The following CNTNAP2 variants were observed in gnomAD, a reference collection of about 807,000 sequenced individuals.
CNTNAP2 encodes the protein contactin associated protein 2.
A neutral mutation model predicts 155.2 loss-of-function variants in CNTNAP2; 98 were observed. The ratio of observed to expected loss-of-function variants is 0.63; its 90% CI spans 0.54 to 0.75. The LOEUF is 0.75. Ranked by LOEUF, CNTNAP2 falls within the 30% of genes least tolerant of loss-of-function variation. The pLI is 0.00. For synonymous variants in CNTNAP2, 651 were observed against 631.2 expected, an observed-to-expected ratio of 1.03 and a Z score of -0.47; for missense variants, 1,727 against 1,688.1, an observed-to-expected ratio of 1.02 and a Z score of -0.40.
chr7:146,518,824 C>T (rs1797576676), intron 1 of CNTNAP2, among the ~76,000 whole-genome samples: 1 of 151,792 alleles, frequency 6.6e-6, no homozygotes, highest in Non-Finnish European at 1.5e-5. Context: ...ATGTTAAAGA[C>T]ACACTGCACA....
At chr7:148,139,927 A>G (rs1805027085) in intron 16 of CNTNAP2, among the ~76,000 whole-genome samples, 1 of 152,126 alleles carries the variant, frequency 6.6e-6, no homozygotes, top group South Asian at 2.1e-4. Context: ...CATTCCCCAT[A>G]AGACTGCATA....
chr7:146,365,448 C>A (rs1179740119), intron 1 of CNTNAP2, among the ~76,000 whole-genome samples: 2 of 152,174 alleles, frequency 1.3e-5, no homozygotes, highest in African/African-American at 4.8e-5. Flanking sequence ...AGCACTAAAA[C>A]ACTTATAGTA....
intron 18 of CNTNAP2, among the ~76,000 whole-genome samples, chr7:148,187,854 A>T (rs929124112): frequency 6.6e-6 from 1 of 152,180 alleles, no homozygotes; most frequent in African/African-American, 2.4e-5. Flanking sequence ...CATAGCTTGC[A>T]AGCATACAAG....
chr7:147,885,106 G>C (rs543915422), intron 13 of CNTNAP2, among the ~76,000 whole-genome samples: 1 of 152,324 alleles, frequency 6.6e-6, no homozygotes, highest in Non-Finnish European at 1.5e-5. Context: ...ACTTTCAATG[G>C]TAAAAACCGC....
intron 13 of CNTNAP2, among the ~76,000 whole-genome samples, chr7:147,700,711 G>A (rs1278479832): frequency 6.6e-6 from 1 of 152,196 alleles, no homozygotes; most frequent in Non-Finnish European, 1.5e-5. Context: ...ACTGAAGAAA[G>A]TGCCAGCCTC....
intron 3 of CNTNAP2, among the ~76,000 whole-genome samples, chr7:146,840,592 GAAGAAGAAA>G (rs1803703520): frequency 6.6e-6 from 1 of 151,806 alleles, no homozygotes; most frequent in African/African-American, 2.4e-5. Flanking sequence ...ACCAGAAGAA[GAAGAAGAAA>G]AAGAAGATGA....
intron 1 of CNTNAP2, among the ~76,000 whole-genome samples, chr7:146,404,061 C>G (rs1795752430): frequency 7.3e-6 from 1 of 136,580 alleles, no homozygotes; most frequent in Non-Finnish European, 1.5e-5. Context: ...GGAGGCGGAG[C>G]TTGCAGTGAG....
intron 8 of CNTNAP2, among the ~76,000 whole-genome samples, chr7:147,246,069 C>T (rs906826044): frequency 6.8e-6 from 1 of 146,384 alleles, no homozygotes; most frequent in African/African-American, 2.5e-5. Context: ...ATATATATGG[C>T]ATATATATAT....
intron 2 of CNTNAP2, among the ~76,000 whole-genome samples, chr7:146,826,634 A>G (rs1803405923): frequency 6.6e-6 from 1 of 152,026 alleles, no homozygotes; most frequent in South Asian, 2.1e-4. Flanking sequence ...CTAATGCATG[A>G]GTGATAACTG....
intron 1 of CNTNAP2, among the ~76,000 whole-genome samples, chr7:146,162,100 G>A (rs1798232534): frequency 6.6e-6 from 1 of 152,162 alleles, no homozygotes; most frequent in Admixed American, 6.5e-5. Context: ...ACATAGGCAT[G>A]GGCAAGGGCT....
At position 147,132,307 on chromosome 7, in the gene CNTNAP2, T is replaced by C; in HGVS notation, c.1146T>C (p.Ser382=). ...YTVPVFFNAT[S]YLEVPGRLNQ... ...TGCCTGTCTTTTTCAACGCTACAAG[T>C]TACCTGGAGGTGCCCGGACGGCTTA... The change falls in exon 8 of 24, where the codon AGT becomes AGC. Residue 382 remains serine, a synonymous_variant. Coordinates refer to ENST00000361727, the MANE Select transcript of CNTNAP2 (RefSeq NM_014141.6). 1 of 1,613,774 alleles carries C rather than the reference T, an allele frequency of 6.2e-7. No homozygotes were observed. The highest frequency in any genetic ancestry group is 8.5e-7 in the Non-Finnish European group (1 of 1,179,804).
At chr7:147,785,348 G>C (rs1048155627) in intron 13 of CNTNAP2, among the ~76,000 whole-genome samples, 1 of 152,158 alleles carries the variant, frequency 6.6e-6, no homozygotes, top group African/African-American at 2.4e-5. Context: ...AGGAGGGAAG[G>C]GGGAGCTGAG....
At chr7:147,960,801 C>T (rs1474400031) in intron 14 of CNTNAP2, among the ~76,000 whole-genome samples, 1 of 150,452 alleles carries the variant, frequency 6.6e-6, no homozygotes, top group Non-Finnish European at 1.5e-5. Context: ...TTCTCCTTTC[C>T]TCCTCCTTTC....
chr7:147,977,842 T>C lies in CNTNAP2; in HGVS notation c.2256-20T>C, dbSNP rs1204625892. ...TAATGCAGCCTCCTCATTCTTTTTC[T>C]GTCTTTCCCTGTGATCCAGGAGGAA... On this transcript the variant is annotated intron_variant, in intron 14 of 23. Transcript: ENST00000361727. The C allele has an allele frequency of 1.2e-6, 2 of 1,613,936 alleles. No homozygotes were observed. The highest frequency in any genetic ancestry group is 2.7e-5 in the African/African-American group (2 of 74,918).
At chr7:148,311,052 G>A (rs571658020) in intron 21 of CNTNAP2, among the ~76,000 whole-genome samples, 20 of 152,246 alleles carry the variant, frequency 1.3e-4, no homozygotes, top group Non-Finnish European at 2.4e-4. Flanking sequence ...ATAAAGGAGC[G>A]GCCACAGGAA....
chr7:146,730,260 A>G (rs1801502275), intron 1 of CNTNAP2, among the ~76,000 whole-genome samples: 1 of 152,198 alleles, frequency 6.6e-6, no homozygotes, highest in South Asian at 2.1e-4. Context: ...CCCTACTCCA[A>G]TAAAAATTAT....
intron 16 of CNTNAP2, among the ~76,000 whole-genome samples, chr7:148,123,646 AGG>A (rs1331137105): frequency 1.7e-5 from 2 of 120,400 alleles, no homozygotes; most frequent in African/African-American, 3.3e-5. Context: ...GAAGGAAGGA[AGG>A]AAGGAAGGAA....
intron 3 of CNTNAP2, among the ~76,000 whole-genome samples, chr7:146,996,924 A>G (rs189081436): frequency 9.9e-4 from 151 of 152,164 alleles, no homozygotes; most frequent in African/African-American, 3.5e-3. Flanking sequence ...GTCTCACAAT[A>G]TCTGACAGTT....
chr7:146,788,691 A>G (rs765155817), intron 2 of CNTNAP2, among the ~76,000 whole-genome samples: 4 of 152,134 alleles, frequency 2.6e-5, no homozygotes, highest in Non-Finnish European at 5.9e-5. Context: ...AATTAGATAG[A>G]TCAGTCTTCT....
Sources: gnomAD v4.1 joint callset for allele counts (sites outside exome capture counted in the v4.1 genomes callset) on GRCh38, gnomAD v4.1.1 for gene constraint, MANE v1.5 for transcripts, NCBI Gene and HGNC (gene_info 2026-07-23, HGNC 2026-07-21) for gene names.